The following UBE2R2 variants were observed in gnomAD, a reference collection of about 807,000 sequenced individuals.
UBE2R2 encodes the protein ubiquitin conjugating enzyme E2 R2.
A neutral mutation model predicts 27.8 loss-of-function variants in UBE2R2; 1 was observed. The observed-to-expected ratio is 0.04, with a 90% confidence interval of 0.01 to 0.17. The LOEUF (loss-of-function observed/expected upper bound fraction) is 0.17. Ranked by LOEUF, UBE2R2 falls within the 10% of genes least tolerant of loss-of-function variation. The pLI is 1.00. For synonymous variants in UBE2R2, 106 were observed against 113.3 expected (o/e 0.94, Z 0.41); for missense variants, 100 against 291.0 (o/e 0.34, Z 4.78).
intron 2 of UBE2R2, among the ~76,000 whole-genome samples, chr9:33,887,790 C>G (rs554640724): frequency 2.7e-4 from 41 of 152,306 alleles, no homozygotes; most frequent in African/African-American, 8.4e-4. Context: ...AGTTCTCCTG[C>G]TTCAGCCTTC....
At chr9:33,836,166 C>T (rs902140200) in intron 1 of UBE2R2, among the ~76,000 whole-genome samples, 2 of 151,896 alleles carry the variant, frequency 1.3e-5, no homozygotes, top group Admixed American at 6.6e-5. Flanking sequence ...ATTAGCTGGG[C>T]GTGGTGGGAG....
At chr9:33,894,273 TA>T (rs897896023) in intron 2 of UBE2R2, among the ~76,000 whole-genome samples, 1 of 151,128 alleles carries the variant, frequency 6.6e-6, no homozygotes, top group South Asian at 2.1e-4. Flanking sequence ...TCTCTATATT[TA>T]AAAAAAAAGG....
At chr9:33,873,234 A>G (rs150149634) in intron 1 of UBE2R2, among the ~76,000 whole-genome samples, 1 of 151,248 alleles carries the variant, frequency 6.6e-6, no homozygotes, top group East Asian at 1.9e-4. Context: ...ACTTAATTAA[A>G]TGGACCTGTA....
intron 1 of UBE2R2, chr9:33,830,954 ATAATAT>A (rs1820460386): frequency 6.6e-6 from 1 of 151,946 alleles, no homozygotes; most frequent in Admixed American, 6.6e-5. Flanking sequence ...CATTTATAAG[ATAATAT>A]TAAGAATGAG....
intron 2 of UBE2R2, among the ~76,000 whole-genome samples, chr9:33,897,941 A>G (rs912840050): frequency 6.7e-6 from 1 of 148,190 alleles, no homozygotes; most frequent in Admixed American, 6.7e-5. Flanking sequence ...ACGCCTGGCT[A>G]ATTTTGTATT....
chr9:33,823,945 G>C (rs1418196340), intron 1 of UBE2R2, among the ~76,000 whole-genome samples: 2 of 152,016 alleles, frequency 1.3e-5, no homozygotes, highest in East Asian at 3.9e-4. Flanking sequence ...CTACCTCTTA[G>C]GGCATTTAGC....
At chr9:33,876,235 G>A (rs1051124091) in intron 1 of UBE2R2, among the ~76,000 whole-genome samples, 30 of 152,038 alleles carry the variant, frequency 2.0e-4, no homozygotes, top group Non-Finnish European at 2.2e-4. Context: ...GGTGGCATGC[G>A]CCTGTAGCTA....
chr9:33,851,637 C>G (rs1423711613), intron 1 of UBE2R2, among the ~76,000 whole-genome samples: 1 of 152,096 alleles, frequency 6.6e-6, no homozygotes, highest in Non-Finnish European at 1.5e-5. Flanking sequence ...CTGGTGATGT[C>G]CACTTGGGTC....
chr9:33,825,708 C>T (rs148021794), intron 1 of UBE2R2, among the ~76,000 whole-genome samples: 1 of 152,244 alleles, frequency 6.6e-6, no homozygotes, highest in African/African-American at 2.4e-5. Context: ...GGAAAAATAA[C>T]AGTGAGGAAA....
intron 1 of UBE2R2, among the ~76,000 whole-genome samples, chr9:33,844,890 C>A (rs987768550): frequency 2.0e-5 from 3 of 151,680 alleles, no homozygotes; most frequent in Non-Finnish European, 2.9e-5. Context: ...CCTCACCCTC[C>A]GGAGTAGCTG....
intron 1 of UBE2R2, among the ~76,000 whole-genome samples, chr9:33,856,689 T>C (rs1821108281): frequency 6.6e-6 from 1 of 151,990 alleles, no homozygotes; most frequent in Non-Finnish European, 1.5e-5. Context: ...GGAAAATCTT[T>C]TGTTTTTCCT....
chr9:33,817,795 T>C lies in UBE2R2; in HGVS notation c.38T>C (p.Leu13Pro). The change falls in exon 1 of 5, where the codon CTG becomes CCG. Residue 13 changes from leucine (L) to proline (P), a missense_variant. By Grantham distance (98) the Leu-to-Pro change is moderately conservative. Around this residue, in one of 3 missense-constraint regions of UBE2R2, gnomAD observed 43 missense variants for 129.2 expected, o/e 0.33. Transcript: ENST00000263228. Reference sequence around the variant, plus strand: ...CAGATGACCAGCTCGCAGAAGGCCCTGATGCTCGAGCTGAAATCCCTGCAG... The same window carrying C: ...CAGATGACCAGCTCGCAGAAGGCCCCGATGCTCGAGCTGAAATCCCTGCAG... Reference protein sequence around the residue: ...QQQMTSSQKALMLELKSLQEE... With the variant: ...QQQMTSSQKAPMLELKSLQEE... The C allele has an allele frequency of 1.2e-6, 2 of 1,607,364 alleles. No homozygotes were observed. The highest frequency in any genetic ancestry group is 2.3e-5 in the East Asian group (1 of 44,154).
intron 1 of UBE2R2, among the ~76,000 whole-genome samples, chr9:33,877,815 G>GTCTCTCTCTCTCTCTC (rs1439369271): frequency 4.2e-5 from 4 of 95,734 alleles, no homozygotes; most frequent in African/African-American, 1.4e-4. Context: ...CTGTCTGTCT[G>GTCTCTCTCTCTCTCTC]TCTGTCTGTC....
chr9:33,912,850 C>A (rs1398143106), intron 4 of UBE2R2, among the ~76,000 whole-genome samples: 1 of 152,088 alleles, frequency 6.6e-6, no homozygotes, highest in Non-Finnish European at 1.5e-5. Flanking sequence ...AAAAGCTTAA[C>A]CTTTAATCTC....
chr9:33,873,346 G>A (rs1821529587), intron 1 of UBE2R2, among the ~76,000 whole-genome samples: 1 of 151,858 alleles, frequency 6.6e-6, no homozygotes, highest in African/African-American at 2.4e-5. Flanking sequence ...ATTTAGGGCT[G>A]GACAGCCAAC....
At chr9:33,818,024 A>C (rs1825852006) in intron 1 of UBE2R2, 90 bp downstream of exon 1, 1 of 1,459,406 alleles carries the variant, frequency 6.9e-7, no homozygotes. Context: ...CAGGAGTATG[A>C]GCACGGGCGA....
At chr9:33,893,630 A>G (rs1259793208) in intron 2 of UBE2R2, among the ~76,000 whole-genome samples, 1 of 151,786 alleles carries the variant, frequency 6.6e-6, no homozygotes, top group Non-Finnish European at 1.5e-5. Context: ...TTAACTTTTT[A>G]TTTATTTATT....
chr9:33,868,767 A>G (rs1821418866), intron 1 of UBE2R2: 1 of 152,206 alleles, frequency 6.6e-6, no homozygotes, highest in Admixed American at 6.5e-5. Flanking sequence ...CTGATGACGT[A>G]GCAGAAAAAC....
chr9:33,867,516 T>G (rs1821391234), intron 1 of UBE2R2, among the ~76,000 whole-genome samples: 1 of 152,206 alleles, frequency 6.6e-6, no homozygotes, highest in Admixed American at 6.5e-5. Context: ...GTTGTACCTG[T>G]TCTGCATTCC....
Sources: gnomAD v4.1 joint callset for allele counts (sites outside exome capture counted in the v4.1 genomes callset) on GRCh38, gnomAD v4.1.1 for gene constraint, gnomAD v4.1.1 regional missense constraint, MANE v1.5 for transcripts, NCBI Gene and HGNC (gene_info 2026-07-23, HGNC 2026-07-21) for gene names.